Variants in SMAP1 observed in about 807,000 individuals in gnomAD.
SMAP1 encodes stromal membrane-associated protein 1.
A neutral mutation model predicts 58.5 loss-of-function variants in SMAP1; 24 were observed. The observed-to-expected ratio is 0.41, with a 90% confidence interval of 0.30 to 0.58. The LOEUF (loss-of-function observed/expected upper bound fraction) is 0.58. SMAP1 is among the 20% of genes least tolerant of loss of function. SMAP1 has a pLI of 0.29. For missense variants in SMAP1, 563 were observed against 566.3 expected (o/e 0.99, Z 0.06); for synonymous variants, 216 against 196.6 (o/e 1.10, Z -0.82).
chr6:70,725,117 T>G (rs1436377334), intron 1 of SMAP1, among the ~76,000 whole-genome samples: 1 of 114,580 alleles, frequency 8.7e-6, no homozygotes, highest in East Asian at 2.5e-4. Flanking sequence ...TTTTTTTTTT[T>G]TTTTTTTTTT....
intron 1 of SMAP1, among the ~76,000 whole-genome samples, chr6:70,695,991 G>A (rs1435000282): frequency 3.9e-5 from 6 of 151,970 alleles, no homozygotes; most frequent in Non-Finnish European, 1.5e-5. Flanking sequence ...ATTTCTTTGT[G>A]GTTTAATTTT....
At chr6:70,829,247 G>A (rs1038817265) in intron 6 of SMAP1, among the ~76,000 whole-genome samples, 7 of 149,918 alleles carry the variant, frequency 4.7e-5, no homozygotes, top group African/African-American at 1.7e-4. Flanking sequence ...TTTTTTTTCT[G>A]TTTTTTTCTT....
At chr6:70,677,501 C>T (rs1450845654) in intron 1 of SMAP1, among the ~76,000 whole-genome samples, 2 of 120,678 alleles carry the variant, frequency 1.7e-5, no homozygotes, top group African/African-American at 3.2e-5. Context: ...TCATTGCAAA[C>T]TCTGCCTGCC....
intron 6 of SMAP1, among the ~76,000 whole-genome samples, chr6:70,803,032 G>A (rs1401649034): frequency 6.6e-6 from 1 of 152,186 alleles, no homozygotes; most frequent in South Asian, 2.1e-4. Flanking sequence ...AAATGAGTTA[G>A]GGAGGATTCC....
In SMAP1 at chr6:70,861,366, TATACTCAAG is replaced by T. The variant is rs1450412370; in HGVS notation, c.*1034_*1042del. The T allele has an allele frequency of 1.1e-5, 3 of 275,980 alleles. No homozygotes were observed. The highest frequency in any genetic ancestry group is 2.1e-5 in the Non-Finnish European group (3 of 145,534). 17.1% of individuals were successfully genotyped at this position (275,980 alleles called of 1,614,324 possible). On this transcript the variant is annotated 3_prime_UTR_variant, in exon 11 of 11. Transcript: ENST00000370455. Reference sequence around the variant, plus strand: ...GCAAATTGGAGAAAAAGAAAAAATATATACTCAAGAGTGGTATCTTGCAGTATCGGCACT... The same window carrying T: ...GCAAATTGGAGAAAAAGAAAAAATATAGTGGTATCTTGCAGTATCGGCACT...
intron 6 of SMAP1, among the ~76,000 whole-genome samples, chr6:70,823,325 C>T (rs961374607): frequency 6.6e-6 from 1 of 152,096 alleles, no homozygotes; most frequent in African/African-American, 2.4e-5. Flanking sequence ...GCCTGTGCCC[C>T]TATGTTATAT....
At chr6:70,741,068 G>C (rs541372166) in intron 2 of SMAP1, among the ~76,000 whole-genome samples, 1 of 152,268 alleles carries the variant, frequency 6.6e-6, no homozygotes, top group South Asian at 2.1e-4. Flanking sequence ...TACAATTCAA[G>C]ATGAAATTTG....
intron 3 of SMAP1, among the ~76,000 whole-genome samples, chr6:70,771,032 TGG>T (rs1767273485): frequency 6.6e-6 from 1 of 152,204 alleles, no homozygotes. Context: ...CCTGTTTGCC[TGG>T]GTACCAGCAG....
intron 5 of SMAP1, among the ~76,000 whole-genome samples, chr6:70,794,954 A>G (rs180712752): frequency 5.7e-4 from 87 of 151,728 alleles, no homozygotes; most frequent in Non-Finnish European, 1.1e-3. Context: ...ACACCTGTCT[A>G]ATTTTTTGTA....
intron 1 of SMAP1, among the ~76,000 whole-genome samples, chr6:70,719,352 A>G (rs1768414996): frequency 1.3e-5 from 2 of 152,214 alleles, no homozygotes; most frequent in Admixed American, 1.3e-4. Context: ...ATACACAAGT[A>G]TTTTCATTTT....
rs901276566 is a variant in SMAP1, at chr6:70,845,314, G to A, written c.665-7226G>A. 3.3e-5 allele frequency among the ~76,000 whole-genome samples: 5 copies of A among 152,198 alleles called. No homozygotes were observed. In the South Asian group the frequency reaches 6.2e-4, roughly 19 times the overall value. ...GGTAAACACCAGAAGATGCAGCTCT[G>A]TGTGTTTATAGTAGTGCAAGAGGGG... is the stretch of plus-strand genomic sequence containing the variant. On this transcript the variant is annotated intron_variant, in intron 7 of 10. Coordinates refer to ENST00000370455, the MANE Select transcript of SMAP1 (RefSeq NM_001044305.3).
intron 1 of SMAP1, among the ~76,000 whole-genome samples, chr6:70,704,384 T>C (rs1767753571): frequency 6.6e-6 from 1 of 152,224 alleles, no homozygotes; most frequent in Non-Finnish European, 1.5e-5. Flanking sequence ...GGAAATCTCC[T>C]GTGATGTGCT....
At chr6:70,831,066 G>A (rs1023829300) in intron 6 of SMAP1, among the ~76,000 whole-genome samples, 1 of 152,160 alleles carries the variant, frequency 6.6e-6, no homozygotes, top group Non-Finnish European at 1.5e-5. Flanking sequence ...TTTTTGAAAT[G>A]CTGGATTCTT....
At chr6:70,815,951 G>A (rs1769610397) in intron 6 of SMAP1, among the ~76,000 whole-genome samples, 1 of 152,066 alleles carries the variant, frequency 6.6e-6, no homozygotes, top group Non-Finnish European at 1.5e-5. Flanking sequence ...GATGAAAACA[G>A]CTTACCCTCA....
chr6:70,804,621 G>A (rs1769034795), intron 6 of SMAP1, among the ~76,000 whole-genome samples: 1 of 152,124 alleles, frequency 6.6e-6, no homozygotes, highest in Non-Finnish European at 1.5e-5. Context: ...GCCTGTTTTT[G>A]CATTGGCTGG....
At chr6:70,841,506 C>G (rs745861248) in intron 7 of SMAP1, among the ~76,000 whole-genome samples, 1 of 152,104 alleles carries the variant, frequency 6.6e-6, no homozygotes, top group Non-Finnish European at 1.5e-5. Context: ...ATGTGTTTCT[C>G]TATTCACTGC....
chr6:70,668,118 A>G lies in SMAP1; in HGVS notation c.95A>G (p.Tyr32Cys). 4 of 1,600,724 alleles carry G rather than the reference A, an allele frequency of 2.5e-6. No homozygotes were observed. The highest frequency in any genetic ancestry group is 3.4e-6 in the Non-Finnish European group (4 of 1,174,606). Residue 32 changes from tyrosine (Y) to cysteine (C), a missense_variant, in exon 1 of 11, where the codon TAC (tyrosine) becomes TGC (cysteine). By Grantham distance (194) the Tyr-to-Cys change is radical. This residue lies in a region of SMAP1 where 52 missense variants were observed against 46.6 expected (regional missense o/e 1.11). Coordinates refer to ENST00000370455, the MANE Select transcript of SMAP1 (RefSeq NM_001044305.3). ...CTTCTGAGGGAGGAGGACAACAAGT[A>G]CTGCGCCGACTGCGAGGCCAAAGGT... ...SKLLREEDNK[Y>C]CADCEAKGPR...
intron 3 of SMAP1, among the ~76,000 whole-genome samples, chr6:70,756,357 C>T (rs542550428): frequency 4.6e-5 from 7 of 151,980 alleles, no homozygotes; most frequent in Non-Finnish European, 1.0e-4. Context: ...TGGACAGAAA[C>T]CTTTTAAATT....
intron 3 of SMAP1, among the ~76,000 whole-genome samples, chr6:70,766,356 C>G (rs1312661460): frequency 6.6e-6 from 1 of 152,148 alleles, no homozygotes; most frequent in Non-Finnish European, 1.5e-5. Context: ...GTTTACATTC[C>G]CACCAACAGT....
Sources: allele counts gnomAD v4.1 joint callset (sites outside exome capture counted in the v4.1 genomes callset), GRCh38; gene constraint gnomAD v4.1.1; regional missense constraint gnomAD v4.1.1; transcripts MANE v1.5; gene names NCBI Gene and HGNC (gene_info 2026-07-23, HGNC 2026-07-21).